The following PDE10A variants were observed in gnomAD, a reference collection of about 807,000 sequenced individuals.
PDE10A encodes the protein phosphodiesterase 10A, also known as cAMP and cAMP-inhibited cGMP 3',5'-cyclic phosphodiesterase 10A.
In PDE10A, 39 loss-of-function variants were observed where a neutral mutation model predicts 97.7. The ratio of observed to expected loss-of-function variants is 0.40; its 90% CI spans 0.31 to 0.52. The LOEUF (loss-of-function observed/expected upper bound fraction) is 0.52. Among genes scored for constraint, PDE10A ranks in the 20% least tolerant of loss-of-function variants. The pLI, the probability that PDE10A is intolerant of heterozygous loss-of-function variation, is 0.56. For synonymous variants in PDE10A, 371 were observed against 376.8 expected (o/e 0.98, Z 0.18); for missense variants, 731 against 1,047.8 (o/e 0.70, Z 4.17).
chr6:165,968,123 C>T (rs1025001495), intron 1 of PDE10A, among the ~76,000 whole-genome samples: 1 of 152,186 alleles, frequency 6.6e-6, no homozygotes, highest in Non-Finnish European at 1.5e-5. Flanking sequence ...TGGTGGGTGG[C>T]AGTGCCCCTC....
At chr6:165,470,383 T>C (rs1177499209) in intron 3 of PDE10A, among the ~76,000 whole-genome samples, 6 of 152,238 alleles carry the variant, frequency 3.9e-5, no homozygotes, top group Non-Finnish European at 7.3e-5. Flanking sequence ...ATATTATGCC[T>C]TTGAAACTTA....
Position 165,543,586 on chromosome 6 carries a change from A to G in PDE10A, c.866-18T>C. 1 of 1,596,150 alleles carries G rather than the reference A, an allele frequency of 6.3e-7. No individual in the cohort carries two copies. The highest frequency in any genetic ancestry group is 8.6e-7 in the Non-Finnish European group (1 of 1,168,806). On this transcript the variant is annotated intron_variant, in intron 1 of 21. Transcript: ENST00000539869. ...TGTCAAACCTGTAAAAGAATTGAAA[A>G]GAATAAAATTCACCTATACAACATC... is the stretch of plus-strand genomic sequence containing the variant.
chr6:165,432,967 G>T lies in PDE10A; in HGVS notation c.1491+7C>A. 1 of 1,611,926 alleles carries T rather than the reference G, an allele frequency of 6.2e-7. No homozygotes were observed. The highest frequency in any genetic ancestry group is 1.1e-5 in the South Asian group (1 of 90,862). On this transcript the variant is annotated splice_region_variant and intron_variant, in intron 7 of 21. Coordinates refer to ENST00000539869, the MANE Select transcript of PDE10A (RefSeq NM_001385079.1). ...AAATTCTAACATGCAGCATTTAAAG[G>T]CCTTACCTCCTGGTGACTAAGACAG...
intron 13 of PDE10A, among the ~76,000 whole-genome samples, chr6:165,397,702 CAAAAAAAAAAAAAA>C (rs71026686): frequency 2.3e-5 from 2 of 88,392 alleles, no homozygotes; most frequent in Non-Finnish European, 4.3e-5. Context: ...AACTCCATCT[CAAAAAAAAAAAAAA>C]AAAAAAAGAA....
chr6:165,773,290 G>T (rs891227352), intron 1 of PDE10A: 4 of 152,208 alleles, frequency 2.6e-5, no homozygotes, highest in African/African-American at 7.2e-5. Flanking sequence ...ACGTTCAACA[G>T]AAAGTTTTCC....
At chr6:165,794,393 A>C (rs539602635) in intron 1 of PDE10A, among the ~76,000 whole-genome samples, 2 of 150,956 alleles carry the variant, frequency 1.3e-5, no homozygotes, top group African/African-American at 4.9e-5. Context: ...ACACTCACAC[A>C]TGCTCACACT....
At chr6:165,755,062 A>G (rs1438132440) in intron 1 of PDE10A, among the ~76,000 whole-genome samples, 1 of 152,188 alleles carries the variant, frequency 6.6e-6, no homozygotes, top group Non-Finnish European at 1.5e-5. Context: ...AAATAGTTTT[A>G]TGGAGAGGGA....
At chr6:165,376,069 A>T (rs1784587338) in intron 18 of PDE10A, among the ~76,000 whole-genome samples, 1 of 152,232 alleles carries the variant, frequency 6.6e-6, no homozygotes, top group Non-Finnish European at 1.5e-5. Context: ...TCAAAATGTA[A>T]CTTTGTCCTT....
chr6:165,411,647 A>C (rs1787846570), intron 13 of PDE10A, among the ~76,000 whole-genome samples: 1 of 152,226 alleles, frequency 6.6e-6, no homozygotes, highest in Non-Finnish European at 1.5e-5. Flanking sequence ...CTTGATTTTT[A>C]AATTATGCAG....
Position 165,882,954 on chromosome 6 carries a change from C to T in PDE10A, c.-615+104575G>A, listed in dbSNP as rs73039766. On this transcript the variant is annotated intron_variant, in intron 1 of 19. Transcript: ENST00000366882. ...AATTAGAAATTAAAAGAAGGATTTG[C>T]GCCGGGTATGGTGGCTCATGCCTGT... Among the ~76,000 whole-genome samples, 401 of 152,160 alleles carry T rather than the reference C, an allele frequency of 2.6e-3. 4 individuals carry two copies. Among genetic ancestry groups the T allele is most frequent in the Non-Finnish European group, 4.4e-3 (297 of 67,986 alleles).
intron 1 of PDE10A, among the ~76,000 whole-genome samples, chr6:165,619,004 G>A (rs58736722): frequency 3.0e-3 from 324 of 107,454 alleles, no homozygotes; most frequent in South Asian, 6.8e-3. Context: ...CTAGTGTAGT[G>A]TAGTCTAGTG....
chr6:165,683,497 G>A (rs1404105066), intron 1 of PDE10A, among the ~76,000 whole-genome samples: 1 of 152,234 alleles, frequency 6.6e-6, no homozygotes, highest in African/African-American at 2.4e-5. Context: ...TACATATGCT[G>A]TGGGTGTGGG....
intron 13 of PDE10A, among the ~76,000 whole-genome samples, chr6:165,412,621 A>G (rs1204044740): frequency 1.3e-5 from 2 of 152,172 alleles, no homozygotes; most frequent in African/African-American, 4.8e-5. Context: ...AAATAGCACA[A>G]ACTGAATTAA....
intron 1 of PDE10A, among the ~76,000 whole-genome samples, chr6:165,719,368 C>T (rs1200069571): frequency 6.6e-6 from 1 of 152,240 alleles, no homozygotes; most frequent in Non-Finnish European, 1.5e-5. Flanking sequence ...GGAAAGCAGC[C>T]AGCAGGAAGA....
rs777040046 is a variant in PDE10A at position 165,396,339 on chromosome 6, G to A, written c.2197C>T (p.Arg733Cys). ...QGLMQFTLPV[R>C]LCKEIELFHF... Reference sequence around the variant, plus strand: ...TACAATTCAATTTCTTTGCAGAGACGCACGGGAAGGGTGAATTGCATGAGA... The same window carrying A: ...TACAATTCAATTTCTTTGCAGAGACACACGGGAAGGGTGAATTGCATGAGA... Residue 733 changes from arginine to cysteine, a missense_variant, in exon 14 of 22, where the codon CGT (arginine) becomes TGT (cysteine). Arg to Cys is a radical substitution (Grantham distance 180). Around this residue, in one of 8 missense-constraint regions of PDE10A, gnomAD observed 131 missense variants for 187.4 expected, o/e 0.70. Coordinates refer to ENST00000539869, the MANE Select transcript of PDE10A (RefSeq NM_001385079.1). 8 of 1,612,716 alleles carry A rather than the reference G, an allele frequency of 5.0e-6. No homozygotes were observed. The highest frequency in any genetic ancestry group is 2.2e-5 in the East Asian group (1 of 44,830).
intron 2 of PDE10A, among the ~76,000 whole-genome samples, chr6:165,542,612 CTTTTTTTTTTT>C (rs545149187): frequency 1.3e-5 from 1 of 76,426 alleles, no homozygotes; most frequent in South Asian, 6.4e-4. Flanking sequence ...TGTCCTTGTT[CTTTTTTTTTTT>C]TTTTTTTTTT....
chr6:165,811,079 C>T (rs548556767), intron 1 of PDE10A, among the ~76,000 whole-genome samples: 40 of 152,208 alleles, frequency 2.6e-4, no homozygotes, highest in Non-Finnish European at 5.1e-4. Context: ...CAAAAATTAG[C>T]TGGGCGTGGT....
intron 3 of PDE10A, among the ~76,000 whole-genome samples, chr6:165,466,657 G>A (rs4490643): frequency 0.22 from 33,467 of 151,958 alleles, 3,936 homozygotes; most frequent in Middle Eastern, 0.32. Flanking sequence ...ACCTGTTAAG[G>A]TGATCTACAG....
At chr6:165,689,961 T>G (rs897978392) in intron 1 of PDE10A, among the ~76,000 whole-genome samples, 1 of 152,186 alleles carries the variant, frequency 6.6e-6, no homozygotes, top group African/African-American at 2.4e-5. Context: ...CTTTCCCAAA[T>G]AAGTAAGATA....
Sources: allele counts gnomAD v4.1 joint callset (sites outside exome capture counted in the v4.1 genomes callset), GRCh38; gene constraint gnomAD v4.1.1; regional missense constraint gnomAD v4.1.1; transcripts MANE v1.5; gene names NCBI Gene and HGNC (gene_info 2026-07-23, HGNC 2026-07-21).